TRDN: variants seen among roughly 807,000 people sequenced by gnomAD.
TRDN encodes triadin.
A neutral mutation model predicts 149.7 loss-of-function variants in TRDN; 161 were observed. The observed-to-expected ratio is 1.08, with a 90% CI of 0.95 to 1.23. The LOEUF is 1.23. Among genes scored for constraint, TRDN ranks in the 50% most tolerant of loss-of-function variants. TRDN has a pLI of 0.00. For synonymous variants in TRDN, 294 were observed against 250.5 expected (o/e 1.17, Z -1.64); for missense variants, 896 against 823.5 (o/e 1.09, Z -1.08).
rs192105223 is a variant in TRDN at position 123,516,085 on chromosome 6, G to A, written c.550+56C>T. 99 of 1,384,306 alleles carry A rather than the reference G, an allele frequency of 7.2e-5. No homozygotes were observed. In the African/African-American group the frequency reaches 1.4e-3, roughly 19 times the overall value. 85.8% of individuals were successfully genotyped at this position (1,384,306 alleles called of 1,614,324 possible). On this transcript the variant is annotated intron_variant, in intron 6 of 40. Coordinates refer to ENST00000334268, the MANE Select transcript of TRDN (RefSeq NM_006073.4). ...ATCTAAAATCTGAATGTAAAGAGTAGGAAGTCAATGGGAAAGGACTCAGTG... is the reference window on the plus strand; with the variant it reads ...ATCTAAAATCTGAATGTAAAGAGTAAGAAGTCAATGGGAAAGGACTCAGTG...
At chr6:123,305,501 A>G (rs1236181247) in intron 24 of TRDN, among the ~76,000 whole-genome samples, 2 of 152,150 alleles carry the variant, frequency 1.3e-5, no homozygotes, top group Non-Finnish European at 2.9e-5. Context: ...TTAAAGCCCT[A>G]TAAGGTAATG....
chr6:123,441,456 A>C (rs1289374169), intron 10 of TRDN, among the ~76,000 whole-genome samples: 1 of 152,234 alleles, frequency 6.6e-6, no homozygotes, highest in Admixed American at 6.5e-5. Flanking sequence ...AGGATGTGAA[A>C]GTATCAGAAT....
chr6:123,431,692 G>C (rs1774347244), intron 12 of TRDN, among the ~76,000 whole-genome samples: 1 of 152,042 alleles, frequency 6.6e-6, no homozygotes, highest in South Asian at 2.1e-4. Context: ...GATACTATAT[G>C]TTATTTTGTC....
chr6:123,532,547 C>T (rs1780300288), intron 4 of TRDN, among the ~76,000 whole-genome samples: 1 of 151,976 alleles, frequency 6.6e-6, no homozygotes, highest in Admixed American at 6.6e-5. Flanking sequence ...AGCTTCTAGG[C>T]TCAACTTGCC....
intron 1 of TRDN, among the ~76,000 whole-genome samples, chr6:123,604,984 C>G (rs1240639752): frequency 6.6e-6 from 1 of 151,848 alleles, no homozygotes; most frequent in Non-Finnish European, 1.5e-5. Flanking sequence ...ATATTATTGA[C>G]AAATATGCCA....
intron 4 of TRDN, among the ~76,000 whole-genome samples, chr6:123,538,661 T>C (rs973979122): frequency 6.6e-6 from 1 of 152,164 alleles, no homozygotes; most frequent in African/African-American, 2.4e-5. Context: ...GTAAATTATT[T>C]TGGATCTTTA....
chr6:123,282,070 T>G (rs1003021003), intron 24 of TRDN, among the ~76,000 whole-genome samples: 9 of 151,840 alleles, frequency 5.9e-5, no homozygotes, highest in African/African-American at 2.2e-4. Context: ...GATACAGAGA[T>G]GGACAAACAT....
chr6:123,463,957 G>A (rs1254436587), intron 10 of TRDN, among the ~76,000 whole-genome samples: 1 of 152,132 alleles, frequency 6.6e-6, no homozygotes, highest in Non-Finnish European at 1.5e-5. Context: ...AAGCAGGCTG[G>A]AGTGTCCACA....
intron 18 of TRDN, 58 bp from the exon 19 acceptor site, chr6:123,375,689 C>A: frequency 7.8e-7 from 1 of 1,277,362 alleles, no homozygotes; most frequent in Non-Finnish European, 1.1e-6. Context: ...TTATCTCTTT[C>A]CAAAATAATT....
chr6:123,398,559 C>T (rs1355947983), intron 12 of TRDN, among the ~76,000 whole-genome samples: 1 of 152,122 alleles, frequency 6.6e-6, no homozygotes, highest in Non-Finnish European at 1.5e-5. Flanking sequence ...CTTATAAAAT[C>T]CAGTATTATT....
chr6:123,433,711 A>G (rs1038256582), intron 12 of TRDN, among the ~76,000 whole-genome samples: 5 of 152,174 alleles, frequency 3.3e-5, no homozygotes, highest in African/African-American at 1.2e-4. Context: ...TTATTTTGTC[A>G]AAATTATTTT....
chr6:123,301,786 T>TATA (rs1554221699), intron 24 of TRDN, among the ~76,000 whole-genome samples: 2 of 90,492 alleles, frequency 2.2e-5, no homozygotes, highest in African/African-American at 7.1e-5. Flanking sequence ...TATATATATA[T>TATA]ACATAAATGA....
chr6:123,338,324 C>G (rs1299836540), intron 21 of TRDN, among the ~76,000 whole-genome samples: 2 of 152,116 alleles, frequency 1.3e-5, no homozygotes, highest in Non-Finnish European at 2.9e-5. Context: ...CAGGGCAGAT[C>G]TATCAGTTTT....
chr6:123,299,597 CCTTCCTCTGG>C (rs1410930991), intron 24 of TRDN, among the ~76,000 whole-genome samples: 2 of 151,988 alleles, frequency 1.3e-5, no homozygotes, highest in Non-Finnish European at 2.9e-5. Flanking sequence ...TTCTGAAACA[CCTTCCTCTGG>C]AATATAATTT....
At chr6:123,488,780 T>A (rs1191473677) in intron 9 of TRDN, 2 of 151,780 alleles carry the variant, frequency 1.3e-5, no homozygotes, top group Non-Finnish European at 2.9e-5. Context: ...CCTATCTATG[T>A]CTGGGAAACA....
chr6:123,605,182 A>T (rs1216730709), intron 1 of TRDN, among the ~76,000 whole-genome samples: 2 of 150,654 alleles, frequency 1.3e-5, no homozygotes, highest in African/African-American at 2.4e-5. Context: ...TCCTCATTTT[A>T]TTCTAAATGA....
chr6:123,303,616 A>G (rs1334134852), intron 24 of TRDN, among the ~76,000 whole-genome samples: 1 of 152,188 alleles, frequency 6.6e-6, no homozygotes, highest in African/African-American at 2.4e-5. Flanking sequence ...ACTGAGTGAA[A>G]GGGGAAGATT....
chr6:123,260,623 A>G lies in TRDN; in HGVS notation c.1820T>C (p.Val607Ala). ...PKPTPKGTSE[V>A]TESGKKKTEI... ...AAGTAAATATTTACCTGATTCTGTGACTTCTGATGTTCCTTCTTTAGAAAA... is the reference window on the plus strand; with the variant it reads ...AAGTAAATATTTACCTGATTCTGTGGCTTCTGATGTTCCTTCTTTAGAAAA... The change falls in exon 34 of 41, where the codon GTC (valine) becomes GCC (alanine). Residue 607 changes from valine (V) to alanine (A), a missense_variant. By Grantham distance (64) the Val-to-Ala change is moderately conservative. Transcript: ENST00000334268. 7.0e-7 allele frequency: 1 copy of G among 1,421,432 alleles called. No individual in the cohort carries two copies. The highest frequency in any genetic ancestry group is 9.3e-7 in the Non-Finnish European group (1 of 1,077,642). 88.1% of individuals were successfully genotyped at this position (1,421,432 alleles called of 1,614,324 possible).
chr6:123,473,876 T>G (rs1777321399), intron 9 of TRDN, among the ~76,000 whole-genome samples: 1 of 151,486 alleles, frequency 6.6e-6, no homozygotes, highest in African/African-American at 2.4e-5. Flanking sequence ...ATAAAATACT[T>G]TACAGACAAG....
Sources: allele counts gnomAD v4.1 joint callset (sites outside exome capture counted in the v4.1 genomes callset), GRCh38; gene constraint gnomAD v4.1.1; transcripts MANE v1.5; gene names NCBI Gene and HGNC (gene_info 2026-07-23, HGNC 2026-07-21).